Variants in PLCG2 observed in about 807,000 individuals in gnomAD.
The protein encoded by PLCG2 is 1-phosphatidylinositol 4,5-bisphosphate phosphodiesterase gamma-2.
In PLCG2, 69 loss-of-function variants were observed where a neutral mutation model predicts 175.6. The ratio of observed to expected loss-of-function variants is 0.39; its 90% CI spans 0.32 to 0.48. The LOEUF (loss-of-function observed/expected upper bound fraction) is 0.48, where lower values mean the gene tolerates loss of function less well. Ranked by LOEUF, PLCG2 falls within the 20% of genes least tolerant of loss-of-function variation. PLCG2 has a pLI of 0.91. For synonymous variants in PLCG2, 827 were observed against 624.0 expected (o/e 1.33, Z -4.85); for missense variants, 1,798 against 1,650.9 (o/e 1.09, Z -1.54).
intron 31 of PLCG2, among the ~76,000 whole-genome samples, chr16:81,951,784 C>T (rs1911376454): frequency 6.6e-6 from 1 of 151,992 alleles, no homozygotes; most frequent in Non-Finnish European, 1.5e-5. Flanking sequence ...CAGTTAGCAA[C>T]AAATTAAATA....
rs116099114 is a variant in PLCG2 at position 81,860,286 on chromosome 16, C to T, written c.479+1123C>T. Among the ~76,000 whole-genome samples the T allele has an allele frequency of 5.3e-3, 794 of 150,002 alleles. 8 individuals are homozygous for T. The highest frequency in any genetic ancestry group is 0.019 in the African/African-American group (772 of 40,806). On this transcript the variant is annotated intron_variant, in intron 5 of 32. Coordinates refer to ENST00000564138, the MANE Select transcript of PLCG2 (RefSeq NM_002661.5). The stretch of plus-strand genomic sequence containing the variant: ...TGCATTGTCATTTCGGAAATCATTT[C>T]CGTGTTGATGCACAGAGCGCTGCTC...
chr16:81,784,934 G>A (rs961147744), intron 1 of PLCG2, among the ~76,000 whole-genome samples: 1 of 152,152 alleles, frequency 6.6e-6, no homozygotes, highest in African/African-American at 2.4e-5. Flanking sequence ...ATGGTACAGA[G>A]TGAGGGCTCA....
intron 2 of PLCG2, among the ~76,000 whole-genome samples, chr16:81,816,078 T>A (rs1305055613): frequency 1.9e-4 from 17 of 91,788 alleles, no homozygotes; most frequent in Non-Finnish European, 2.5e-4. Flanking sequence ...AAAAAAAAAA[T>A]GTGCCTTCAC....
chr16:81,821,289 C>T (rs1904787812), intron 2 of PLCG2, among the ~76,000 whole-genome samples: 1 of 152,214 alleles, frequency 6.6e-6, no homozygotes, highest in South Asian at 2.1e-4. Context: ...TGCTAAATAT[C>T]ATAGTAATAA....
At chr16:81,864,658 G>A (rs920759722) in intron 5 of PLCG2, among the ~76,000 whole-genome samples, 1 of 152,214 alleles carries the variant, frequency 6.6e-6, no homozygotes, top group Non-Finnish European at 1.5e-5. Context: ...CCTGGCTCAT[G>A]GTAAACACTT....
intron 2 of PLCG2, among the ~76,000 whole-genome samples, chr16:81,842,262 A>G (rs991591846): frequency 6.6e-6 from 1 of 152,218 alleles, no homozygotes; most frequent in Non-Finnish European, 1.5e-5. Context: ...GCATGTGCTC[A>G]GAGAAGCCTT....
chr16:81,902,035 G>A (rs116245982), intron 14 of PLCG2, among the ~76,000 whole-genome samples: 11 of 152,290 alleles, frequency 7.2e-5, no homozygotes, highest in Non-Finnish European at 1.3e-4. Context: ...AGGCACATCC[G>A]AGTTCCAGCT....
chr16:81,759,466 G>C (rs1171620841), intron 2 of PLCG2, among the ~76,000 whole-genome samples: 1 of 152,060 alleles, frequency 6.6e-6, no homozygotes, highest in Non-Finnish European at 1.5e-5. Context: ...GAATTCTAAA[G>C]GTCTAAAATC....
intron 7 of PLCG2, among the ~76,000 whole-genome samples, chr16:81,875,402 T>G (rs1907731930): frequency 6.6e-6 from 1 of 152,218 alleles, no homozygotes; most frequent in Non-Finnish European, 1.5e-5. Context: ...TGCAGGGTAG[T>G]AAGCTGCAGA....
chr16:81,861,948 C>T (rs1907002879), intron 5 of PLCG2, among the ~76,000 whole-genome samples: 1 of 152,234 alleles, frequency 6.6e-6, no homozygotes, highest in South Asian at 2.1e-4. Context: ...TGAGTTCATC[C>T]CTGTGTGCTC....
chr16:81,799,120 C>T (rs1266991826), intron 2 of PLCG2: 1 of 152,258 alleles, frequency 6.6e-6, no homozygotes, highest in Non-Finnish European at 1.5e-5. Flanking sequence ...TTGCATATTT[C>T]TCCTAATTAA....
rs751910710 is a variant in PLCG2, at chr16:81,958,038, A to G, written c.*40A>G. 2 of 1,440,148 alleles carry G rather than the reference A, an allele frequency of 1.4e-6. No individual in the cohort carries two copies. Among genetic ancestry groups the G allele is most frequent in the South Asian group, 2.3e-5 (2 of 87,482 alleles). The allele number at this position is 1,440,148 out of a possible 1,614,324, so 89.2% of individuals were successfully genotyped here. The stretch of plus-strand genomic sequence containing the variant: ...GTGTAAGGGTATTGTGTGTGTGCGC[A>G]TGTGTGTTTGCATGTAGGAGAACGT... On this transcript the variant is annotated 3_prime_UTR_variant, in exon 33 of 33. Transcript: ENST00000564138.
chr16:81,945,113 G>T (rs1364808597), intron 30 of PLCG2, among the ~76,000 whole-genome samples: 1 of 152,200 alleles, frequency 6.6e-6, no homozygotes. Context: ...GAACAGGTTT[G>T]TGTAAGAATG....
rs1908863442 is a variant in PLCG2, at chr16:81,895,901, C to G, written c.1167C>G (p.Ile389Met). The G allele has an allele frequency of 6.2e-7, 1 of 1,614,134 alleles. No homozygotes were observed. The highest frequency in any genetic ancestry group is 2.2e-5 in the East Asian group (1 of 44,872). The change falls in exon 13 of 33, where the codon ATC becomes ATG. Residue 389 changes from isoleucine (I) to methionine (M), a missense_variant. Ile to Met is a conservative substitution (Grantham distance 10, BLOSUM62 1). Coordinates refer to ENST00000564138, the MANE Select transcript of PLCG2 (RefSeq NM_002661.5). ...AGTTTGACGACGTCGTGCAGGCCAT[C>G]AAAGACCACGCCTTTGTTACCTCGA... ...KIKFDDVVQA[I>M]KDHAFVTSSF...
At chr16:81,936,709 G>A (rs1286124625) in intron 27 of PLCG2, among the ~76,000 whole-genome samples, 3 of 152,202 alleles carry the variant, frequency 2.0e-5, no homozygotes, top group Non-Finnish European at 2.9e-5. Flanking sequence ...TGCTGTGTGA[G>A]GGCTTTCTGC....
intron 3 of PLCG2, 49 bp from the exon 4 acceptor site, chr16:81,858,214 G>C (rs751179499): frequency 7.7e-7 from 1 of 1,294,706 alleles, no homozygotes; most frequent in Non-Finnish European, 1.1e-6. Context: ...GTAAGCAGAC[G>C]TCTTCCCAGG....
chr16:81,778,032 C>G (rs56026444), upstream of PLCG2, among the ~76,000 whole-genome samples: 1 of 58,708 alleles, frequency 1.7e-5, no homozygotes, highest in East Asian at 5.5e-4. Context: ...AAAAAAAAAA[C>G]AAAAAAAAAA....
chr16:81,784,041 A>G (rs916564691), intron 1 of PLCG2, among the ~76,000 whole-genome samples: 1 of 152,158 alleles, frequency 6.6e-6, no homozygotes, highest in African/African-American at 2.4e-5. Flanking sequence ...CCCCCAGTGC[A>G]TGCTTCTGCT....
At chr16:81,953,959 C>CT (rs1293233638) in intron 31 of PLCG2, among the ~76,000 whole-genome samples, 1 of 152,188 alleles carries the variant, frequency 6.6e-6, no homozygotes, top group Non-Finnish European at 1.5e-5. Context: ...CCATTTTCTT[C>CT]TAGGTGCAGA....
Sources: gnomAD v4.1 joint callset for allele counts (sites outside exome capture counted in the v4.1 genomes callset) on GRCh38, gnomAD v4.1.1 for gene constraint, MANE v1.5 for transcripts, NCBI Gene and HGNC (gene_info 2026-07-23, HGNC 2026-07-21) for gene names.